The following ZNF423 variants were observed in gnomAD, a reference collection of about 807,000 sequenced individuals.
The protein encoded by ZNF423 is zinc finger protein 423, also known as Ebf-associated zinc finger protein.
A neutral mutation model predicts 95.8 loss-of-function variants in ZNF423; 12 were observed. The ratio of observed to expected loss-of-function variants is 0.13; its 90% CI spans 0.08 to 0.20. ZNF423 has a LOEUF of 0.20. Among genes scored for constraint, ZNF423 ranks in the 10% least tolerant of loss-of-function variants. The pLI, the probability that ZNF423 is intolerant of heterozygous loss-of-function variation, is 1.00. For missense variants in ZNF423, 1,316 were observed against 1,737.1 expected, an observed-to-expected ratio of 0.76 and a Z score of 4.31; for synonymous variants, 749 against 711.9, an observed-to-expected ratio of 1.05 and a Z score of -0.83.
At chr16:49,565,552 T>C (rs1970160567) in intron 5 of ZNF423, among the ~76,000 whole-genome samples, 1 of 152,104 alleles carries the variant, frequency 6.6e-6, no homozygotes. Context: ...AGGCTCAGCT[T>C]TGTGGAAGCC....
At chr16:49,760,735 C>T (rs1309695444) in intron 2 of ZNF423, among the ~76,000 whole-genome samples, 2 of 152,016 alleles carry the variant, frequency 1.3e-5, no homozygotes, top group Non-Finnish European at 2.9e-5. Flanking sequence ...GGGACCTGGA[C>T]CTGACTCTTG....
At chr16:49,844,396 A>G (rs2035221513) in intron 1 of ZNF423, among the ~76,000 whole-genome samples, 1 of 152,126 alleles carries the variant, frequency 6.6e-6, no homozygotes. Flanking sequence ...CCCTCGATAA[A>G]CAGCAGCTGC....
chr16:49,691,504 G>A (rs971379681), intron 3 of ZNF423, among the ~76,000 whole-genome samples: 8 of 152,210 alleles, frequency 5.3e-5, no homozygotes, highest in Non-Finnish European at 7.3e-5. Context: ...AGGCCTAGGC[G>A]GGCGGATCAC....
intron 5 of ZNF423, among the ~76,000 whole-genome samples, chr16:49,580,987 T>C (rs980826661): frequency 2.6e-5 from 4 of 151,978 alleles, no homozygotes; most frequent in African/African-American, 9.7e-5. Flanking sequence ...ACGGGCTGAG[T>C]AGATGTACGC....
intron 5 of ZNF423, among the ~76,000 whole-genome samples, chr16:49,548,067 G>A (rs1231881766): frequency 6.6e-6 from 1 of 152,200 alleles, no homozygotes; most frequent in South Asian, 2.1e-4. Flanking sequence ...GTTGAGAGAG[G>A]AGGGGTGATC....
chr16:49,833,250 C>T (rs1046991270), intron 1 of ZNF423, among the ~76,000 whole-genome samples: 3 of 152,254 alleles, frequency 2.0e-5, no homozygotes, highest in Non-Finnish European at 4.4e-5. Flanking sequence ...AGAAAACCCT[C>T]AGCACTTGGC....
At chr16:49,601,589 G>A (rs561892837) in intron 5 of ZNF423, among the ~76,000 whole-genome samples, 1 of 152,354 alleles carries the variant, frequency 6.6e-6, no homozygotes, top group East Asian at 1.9e-4. Context: ...GGCACATGGT[G>A]GGGACAGGCT....
chr16:49,787,378 A>T (rs909237090), intron 2 of ZNF423, among the ~76,000 whole-genome samples: 1 of 152,166 alleles, frequency 6.6e-6, no homozygotes, highest in Non-Finnish European at 1.5e-5. Flanking sequence ...TGGATTATCC[A>T]CTGCCAGGGA....
intron 3 of ZNF423, among the ~76,000 whole-genome samples, chr16:49,717,737 A>C (rs1294222067): frequency 6.6e-6 from 1 of 152,188 alleles, no homozygotes; most frequent in Non-Finnish European, 1.5e-5. Flanking sequence ...AGGGAATCCC[A>C]ACCTTCCAAC....
chr16:49,547,348 G>A (rs143198867), intron 5 of ZNF423, among the ~76,000 whole-genome samples: 3 of 152,224 alleles, frequency 2.0e-5, no homozygotes, highest in Non-Finnish European at 4.4e-5. Flanking sequence ...AAGGGGCCAC[G>A]ATGCGTGATC....
intron 5 of ZNF423, among the ~76,000 whole-genome samples, chr16:49,561,962 A>T (rs984217122): frequency 6.6e-6 from 1 of 152,188 alleles, no homozygotes; most frequent in Non-Finnish European, 1.5e-5. Flanking sequence ...GATAAATTAC[A>T]ATAACCAGTT....
At chr16:49,496,159 G>A (rs557788642) in intron 7 of ZNF423, among the ~76,000 whole-genome samples, 48 of 152,348 alleles carry the variant, frequency 3.2e-4, no homozygotes, top group African/African-American at 8.7e-4. Context: ...GATGGGCTAC[G>A]CCTTGGGTTT....
chr16:49,829,527 C>T (rs2144051493), intron 1 of ZNF423, among the ~76,000 whole-genome samples: 1 of 152,300 alleles, frequency 6.6e-6, no homozygotes, highest in South Asian at 2.1e-4. Context: ...AGGGTCAGAT[C>T]CAGATGTCCA....
chr16:49,789,590 A>T, intron 1 of ZNF423, 44 bp from the exon 2 acceptor site: 1 of 1,592,200 alleles, frequency 6.3e-7, no homozygotes. Flanking sequence ...TGAAGGCTGT[A>T]CAAATAGATC....
intron 3 of ZNF423, among the ~76,000 whole-genome samples, chr16:49,666,384 G>A (rs1490436619): frequency 6.6e-6 from 1 of 152,064 alleles, no homozygotes; most frequent in African/African-American, 2.4e-5. Flanking sequence ...ACCTACACAC[G>A]CCAGTTACAT....
intron 5 of ZNF423, among the ~76,000 whole-genome samples, chr16:49,587,012 C>A (rs1210451967): frequency 6.6e-6 from 1 of 152,136 alleles, no homozygotes; most frequent in African/African-American, 2.4e-5. Flanking sequence ...GGACAAGTAG[C>A]CCCTGTGAAG....
intron 5 of ZNF423, among the ~76,000 whole-genome samples, chr16:49,583,770 G>GGTTTAGGC (rs1238131710): frequency 6.6e-6 from 1 of 152,180 alleles, no homozygotes; most frequent in Non-Finnish European, 1.5e-5. Flanking sequence ...ATATTGATCA[G>GGTTTAGGC]GTTTAGGCTA....
intron 7 of ZNF423, among the ~76,000 whole-genome samples, chr16:49,519,061 C>A (rs926816235): frequency 6.6e-6 from 1 of 152,152 alleles, no homozygotes; most frequent in African/African-American, 2.4e-5. Context: ...CAGACCCTGT[C>A]ACTTAAAAAA....
rs555659678 is a variant in ZNF423, at chr16:49,829,807, GGA to G, written c.40+25926_40+25927del. Among the ~76,000 whole-genome samples, 9 of 152,286 alleles carry G rather than the reference GGA, an allele frequency of 5.9e-5. No individual in the cohort carries two copies. In the South Asian group the frequency reaches 1.9e-3, roughly 32 times the overall value. On this transcript the variant is annotated intron_variant, in intron 1 of 7. Transcript: ENST00000563137. Reference sequence around the variant, plus strand: ...CAAGAAGAAATGTGGGGGCTCCAGTGGAGAGGAGGACAGAAACAGGAAAAAAG... The same window carrying G: ...CAAGAAGAAATGTGGGGGCTCCAGTGGAGGAGGACAGAAACAGGAAAAAAG...
Sources: allele counts gnomAD v4.1 joint callset (sites outside exome capture counted in the v4.1 genomes callset), GRCh38; gene constraint gnomAD v4.1.1; transcripts MANE v1.5; gene names NCBI Gene and HGNC (gene_info 2026-07-23, HGNC 2026-07-21).